The following MARK3 variants were observed in gnomAD, a reference collection of about 807,000 sequenced individuals.
MARK3 encodes MAP/microtubule affinity-regulating kinase 3.
In MARK3, 46 loss-of-function variants were observed where a neutral mutation model predicts 90.1. The observed-to-expected ratio is 0.51, with a 90% confidence interval of 0.40 to 0.65. The LOEUF (loss-of-function observed/expected upper bound fraction) is 0.65. MARK3 is among the 30% of genes least tolerant of loss of function. MARK3 has a pLI of 0.00. For synonymous variants in MARK3, 321 were observed against 332.6 expected, an observed-to-expected ratio of 0.97 and a Z score of 0.38; for missense variants, 818 against 947.2, an observed-to-expected ratio of 0.86 and a Z score of 1.79.
intron 2 of MARK3, among the ~76,000 whole-genome samples, chr14:103,417,983 C>G (rs918451494): frequency 5.3e-5 from 8 of 152,056 alleles, no homozygotes; most frequent in African/African-American, 1.9e-4. Context: ...GCAGGAAAAT[C>G]TCTTGAACCC....
At chr14:103,443,004 G>A (rs1410225753) in intron 3 of MARK3, among the ~76,000 whole-genome samples, 1 of 145,270 alleles carries the variant, frequency 6.9e-6, no homozygotes, top group Non-Finnish European at 1.5e-5. Flanking sequence ...AAGCTACTAA[G>A]TGCTGCCAGG....
chr14:103,441,296 T>A (rs2092847636), intron 3 of MARK3, among the ~76,000 whole-genome samples: 1 of 152,172 alleles, frequency 6.6e-6, no homozygotes, highest in African/African-American at 2.4e-5. Context: ...TTTGTTTTTT[T>A]GTTTTTGAGA....
chr14:103,419,059 C>A (rs531486631), intron 2 of MARK3, among the ~76,000 whole-genome samples: 1 of 151,774 alleles, frequency 6.6e-6, no homozygotes, highest in Non-Finnish European at 1.5e-5. Context: ...GAGGCTGAGG[C>A]GGGCGGATCA....
In MARK3 at chr14:103,492,031, G is replaced by A. The variant is rs768720143; in HGVS notation, c.1841G>A (p.Arg614Lys). Residue 614 changes from arginine (R) to lysine (K), a missense_variant, in exon 15 of 18, where the codon AGG (arginine) becomes AAG (lysine). Arg to Lys is a conservative substitution (Grantham distance 26). Around this residue, in one of 3 missense-constraint regions of MARK3, gnomAD observed 560 missense variants for 613.5 expected, o/e 0.91. Transcript: ENST00000429436. ...AGTAAATTAACTTCAAAACTCACAA[G>A]GAGGTAAGTGCTAGGTGCTGGTTGT... ...LFSKLTSKLT[R>K]RNMSFRFIKR... 16 of 1,614,006 alleles carry A rather than the reference G, an allele frequency of 9.9e-6. No homozygotes were observed. The highest frequency in any genetic ancestry group is 1.4e-5 in the Non-Finnish European group (16 of 1,179,930).
chr14:103,408,583 G>A (rs1457330561), intron 2 of MARK3, among the ~76,000 whole-genome samples: 1 of 152,152 alleles, frequency 6.6e-6, no homozygotes, highest in Non-Finnish European at 1.5e-5. Context: ...TGACACATAT[G>A]GCGTAGCATT....
intron 3 of MARK3, among the ~76,000 whole-genome samples, chr14:103,436,145 C>T (rs1473131529): frequency 6.6e-6 from 1 of 152,192 alleles, no homozygotes; most frequent in African/African-American, 2.4e-5. Flanking sequence ...CCCGCTTCAG[C>T]CTCCCAAAGT....
intron 5 of MARK3, among the ~76,000 whole-genome samples, chr14:103,452,902 C>T (rs2093188112): frequency 6.6e-6 from 1 of 152,216 alleles, no homozygotes; most frequent in Admixed American, 6.5e-5. Context: ...GTGGGACACA[C>T]ACCTCACATT....
intron 9 of MARK3, 109 bp downstream of exon 9, chr14:103,466,200 C>A: frequency 1.4e-6 from 2 of 1,412,768 alleles, no homozygotes; most frequent in Admixed American, 2.1e-5. Context: ...GCTTTTTAAG[C>A]AAGAATTGAA....
rs2089773668 is a variant in MARK3, at chr14:103,386,167, C to G, written c.51+87C>G. The G allele has an allele frequency of 1.3e-5, 16 of 1,267,612 alleles. No homozygotes were observed. In the South Asian group the frequency reaches 1.3e-4, roughly 10 times the overall value. The allele number at this position is 1,267,612 out of a possible 1,614,324, so 78.5% of individuals were successfully genotyped here. On this transcript the variant is annotated intron_variant, in intron 1 of 17. Coordinates refer to ENST00000429436, the MANE Select transcript of MARK3 (RefSeq NM_001128918.3). ...GTGCCTTGCAGTCGGGTGTTCCCCC[C>G]AGCCGAACGCTCTGGAAATAGAGGG...
chr14:103,416,687 G>T (rs1338727501), intron 2 of MARK3, among the ~76,000 whole-genome samples: 1 of 152,146 alleles, frequency 6.6e-6, no homozygotes, highest in African/African-American at 2.4e-5. Flanking sequence ...CAGGCGAATT[G>T]CTTGAACCCA....
intron 12 of MARK3, among the ~76,000 whole-genome samples, chr14:103,469,664 G>A (rs577606365): frequency 6.7e-4 from 102 of 151,882 alleles, no homozygotes; most frequent in Non-Finnish European, 1.2e-3. Flanking sequence ...TGTTGGCCAG[G>A]CTGGTCTAGA....
At chr14:103,438,928 C>T (rs561309622) in intron 3 of MARK3, among the ~76,000 whole-genome samples, 1 of 150,964 alleles carries the variant, frequency 6.6e-6, no homozygotes, top group South Asian at 2.1e-4. Context: ...GTCGAGGCTG[C>T]AGTGAACCAT....
chr14:103,465,318 G>A (rs558802949), intron 7 of MARK3, among the ~76,000 whole-genome samples: 1 of 152,196 alleles, frequency 6.6e-6, no homozygotes, highest in Admixed American at 6.5e-5. Context: ...TTGATCTTGG[G>A]ACATTGATGT....
chr14:103,422,292 C>T (rs894310793), intron 2 of MARK3, among the ~76,000 whole-genome samples: 3 of 152,090 alleles, frequency 2.0e-5, no homozygotes, highest in Non-Finnish European at 4.4e-5. Context: ...CCTGTCTCTA[C>T]TAAAAATACA....
chr14:103,400,782 C>T (rs1055051110), intron 1 of MARK3, among the ~76,000 whole-genome samples: 7 of 150,982 alleles, frequency 4.6e-5, no homozygotes, highest in African/African-American at 1.7e-4. Flanking sequence ...GTAGTACCAG[C>T]TACTAAGGAG....
At chr14:103,428,313 C>A in intron 2 of MARK3, 74 bp from the exon 3 acceptor site, 1 of 739,434 alleles carries the variant, frequency 1.4e-6, no homozygotes, top group Non-Finnish European at 2.2e-6. Context: ...CTTCTTAATG[C>A]CATATATCTT....
chr14:103,457,097 C>A, intron 5 of MARK3, 45 bp from the exon 6 acceptor site: 2 of 1,185,310 alleles, frequency 1.7e-6, no homozygotes, highest in Non-Finnish European at 2.5e-6. Context: ...AAAATTAATA[C>A]TCAGAAGTAG....
At chr14:103,386,904 A>G (rs2089849501) in intron 1 of MARK3, among the ~76,000 whole-genome samples, 1 of 152,228 alleles carries the variant, frequency 6.6e-6, no homozygotes, top group Admixed American at 6.5e-5. Flanking sequence ...CAGGAACAGC[A>G]TTGCTAGAGA....
chr14:103,449,036 A>T, intron 4 of MARK3, 69 bp downstream of exon 4: 1 of 1,432,520 alleles, frequency 7.0e-7, no homozygotes, highest in Non-Finnish European at 9.6e-7. Context: ...AAAGCTAAAC[A>T]CGTATTCTAG....
Sources: allele counts gnomAD v4.1 joint callset (sites outside exome capture counted in the v4.1 genomes callset), GRCh38; gene constraint gnomAD v4.1.1; regional missense constraint gnomAD v4.1.1; transcripts MANE v1.5; gene names NCBI Gene and HGNC (gene_info 2026-07-23, HGNC 2026-07-21).